ADAM22: variants seen among roughly 807,000 people sequenced by gnomAD.
The protein encoded by ADAM22 is ADAM metallopeptidase domain 22.
Under a neutral mutation model 144.6 loss-of-function variants are expected in ADAM22, and 65 were observed. The ratio of observed to expected loss-of-function variants is 0.45; its 90% CI spans 0.37 to 0.55. The LOEUF (loss-of-function observed/expected upper bound fraction) is 0.55. Among genes scored for constraint, ADAM22 ranks in the 20% least tolerant of loss-of-function variants. The pLI, the probability that ADAM22 is intolerant of heterozygous loss-of-function variation, is 0.00. For synonymous variants in ADAM22, 391 were observed against 412.6 expected, an observed-to-expected ratio of 0.95 and a Z score of 0.63; for missense variants, 974 against 1,184.9, an observed-to-expected ratio of 0.82 and a Z score of 2.61.
At chr7:88,108,320 G>T in intron 5 of ADAM22, 62 bp downstream of exon 5, 1 of 1,320,628 alleles carries the variant, frequency 7.6e-7, no homozygotes, top group Non-Finnish European at 1.1e-6. Context: ...TCTTTATTAT[G>T]AATGCACTAT....
chr7:88,089,578 C>T (rs1050302452), intron 4 of ADAM22, among the ~76,000 whole-genome samples: 12 of 152,098 alleles, frequency 7.9e-5, no homozygotes, highest in Non-Finnish European at 1.8e-4. Flanking sequence ...TACAGCTTTC[C>T]CTTGCATTTG....
intron 3 of ADAM22, among the ~76,000 whole-genome samples, chr7:87,991,108 G>GT (rs1178836656): frequency 3.3e-5 from 5 of 151,994 alleles, no homozygotes; most frequent in South Asian, 4.1e-4. Flanking sequence ...TGATTTCTGT[G>GT]TTTTTTTGAC....
At chr7:87,936,908 A>G (rs1173902013) in intron 2 of ADAM22, among the ~76,000 whole-genome samples, 1 of 151,660 alleles carries the variant, frequency 6.6e-6, no homozygotes, top group East Asian at 1.9e-4. Context: ...ATATTTAAGT[A>G]AGTTTGTCTG....
chr7:88,168,060 A>T, intron 24 of ADAM22, 77 bp from the exon 25 acceptor site: 1 of 1,227,580 alleles, frequency 8.1e-7, no homozygotes. Context: ...TAGTGTGATG[A>T]TTACAAAACT....
At chr7:88,008,342 C>T (rs1246586232) in intron 3 of ADAM22, among the ~76,000 whole-genome samples, 5 of 149,680 alleles carry the variant, frequency 3.3e-5, no homozygotes, top group Admixed American at 6.7e-5. Flanking sequence ...GTCAGTGTGG[C>T]GATTCCTCAG....
chr7:87,979,291 C>T (rs1852706060), intron 3 of ADAM22, among the ~76,000 whole-genome samples: 1 of 152,192 alleles, frequency 6.6e-6, no homozygotes, highest in Admixed American at 6.5e-5. Context: ...AGAGGCAAGA[C>T]TTAGGACCAT....
intron 3 of ADAM22, among the ~76,000 whole-genome samples, chr7:88,023,012 T>C (rs1798167080): frequency 1.3e-5 from 2 of 152,224 alleles, no homozygotes; most frequent in Non-Finnish European, 2.9e-5. Context: ...TTTTACTTAT[T>C]TCACTTTTCT....
chr7:88,083,803 A>T (rs1261260722), intron 4 of ADAM22, among the ~76,000 whole-genome samples: 4 of 152,088 alleles, frequency 2.6e-5, no homozygotes, highest in African/African-American at 9.7e-5. Flanking sequence ...TCGGAACTGA[A>T]GATTGGTGAA....
intron 3 of ADAM22, among the ~76,000 whole-genome samples, chr7:88,022,066 AT>A (rs920962377): frequency 1.3e-4 from 19 of 146,892 alleles, no homozygotes; most frequent in African/African-American, 2.8e-4. Flanking sequence ...TTTTATTTTT[AT>A]TTTTTTTTTG....
intron 2 of ADAM22, among the ~76,000 whole-genome samples, chr7:87,942,336 C>T (rs1468431494): frequency 2.0e-5 from 3 of 152,056 alleles, no homozygotes; most frequent in South Asian, 2.1e-4. Flanking sequence ...TAATTCATTG[C>T]GTCCTCAAAA....
chr7:88,104,338 TGTACATA>T (rs1351354542), intron 4 of ADAM22, among the ~76,000 whole-genome samples: 12 of 152,138 alleles, frequency 7.9e-5, no homozygotes, highest in Admixed American at 7.9e-4. Context: ...TCTACTTGAA[TGTACATA>T]GACTATTCTT....
chr7:87,955,452 TTTTGTGA>T, intron 2 of ADAM22, among the ~76,000 whole-genome samples: 1 of 152,168 alleles, frequency 6.6e-6, no homozygotes, highest in South Asian at 2.1e-4. Flanking sequence ...AACCGCAGAT[TTTTGTGA>T]TCCGCAAGTG....
At chr7:87,972,657 G>T (rs1316899491) in intron 2 of ADAM22, among the ~76,000 whole-genome samples, 1 of 152,170 alleles carries the variant, frequency 6.6e-6, no homozygotes, top group Non-Finnish European at 1.5e-5. Context: ...CAAAGCCAGA[G>T]GCATCACGCT....
intron 21 of ADAM22, among the ~76,000 whole-genome samples, chr7:88,153,775 C>T (rs1346547992): frequency 6.6e-6 from 1 of 152,206 alleles, no homozygotes; most frequent in Non-Finnish European, 1.5e-5. Context: ...TACATCCATT[C>T]TTCCCTTTGC....
At chr7:88,175,069 T>C (rs1563394307) in intron 26 of ADAM22, among the ~76,000 whole-genome samples, 1 of 152,190 alleles carries the variant, frequency 6.6e-6, no homozygotes, top group Non-Finnish European at 1.5e-5. Flanking sequence ...AAATGGTTTT[T>C]TCCTCCAACA....
At chr7:88,017,099 A>T (rs1360060852) in intron 3 of ADAM22, among the ~76,000 whole-genome samples, 1 of 152,196 alleles carries the variant, frequency 6.6e-6, no homozygotes, top group African/African-American at 2.4e-5. Flanking sequence ...AGCCTGGGTG[A>T]CAGGCCTAGG....
At chr7:88,134,270 G>T in intron 12 of ADAM22, 59 bp from the exon 13 acceptor site, 1 of 1,325,444 alleles carries the variant, frequency 7.5e-7, no homozygotes, top group South Asian at 1.3e-5. Context: ...TTTTTCTCTG[G>T]TTCTTTGTCA....
chr7:88,147,063 C>T (rs184483364), intron 17 of ADAM22, among the ~76,000 whole-genome samples: 1 of 152,292 alleles, frequency 6.6e-6, no homozygotes, highest in East Asian at 1.9e-4. Flanking sequence ...ACTGTTTTCC[C>T]TTTGATTTAT....
intron 3 of ADAM22, among the ~76,000 whole-genome samples, chr7:88,033,053 G>C (rs1800680122): frequency 6.6e-6 from 1 of 152,080 alleles, no homozygotes; most frequent in Non-Finnish European, 1.5e-5. Context: ...TAATACATTT[G>C]GTTAAGTCAT....
Sources: gnomAD v4.1 joint callset for allele counts (sites outside exome capture counted in the v4.1 genomes callset) on GRCh38, gnomAD v4.1.1 for gene constraint, MANE v1.5 for transcripts, NCBI Gene and HGNC (gene_info 2026-07-23, HGNC 2026-07-21) for gene names.